Variants in RNF38 observed in about 807,000 individuals in gnomAD.
The protein encoded by RNF38 is E3 ubiquitin-protein ligase RNF38.
In RNF38, 15 loss-of-function variants were observed where a neutral mutation model predicts 67.2. The observed-to-expected ratio is 0.22, with a 90% confidence interval of 0.15 to 0.34. The LOEUF is 0.34. RNF38 is among the 10% of genes least tolerant of loss of function. The pLI is 1.00. For missense variants in RNF38, 524 were observed against 639.9 expected (o/e 0.82, Z 1.95); for synonymous variants, 220 against 218.8 (o/e 1.01, Z -0.05).
intron 2 of RNF38, among the ~76,000 whole-genome samples, chr9:36,377,386 T>A (rs1158173143): frequency 6.6e-6 from 1 of 152,194 alleles, no homozygotes; most frequent in Non-Finnish European, 1.5e-5. Context: ...TAAATAAGCA[T>A]ATAAATCAGA....
chr9:36,384,069 G>A (rs936893117), intron 2 of RNF38, among the ~76,000 whole-genome samples: 7 of 152,088 alleles, frequency 4.6e-5, no homozygotes, highest in African/African-American at 1.4e-4. Flanking sequence ...ATTTTTCACA[G>A]TTCCTAATTA....
intron 9 of RNF38, among the ~76,000 whole-genome samples, chr9:36,350,109 G>A (rs1270352843): frequency 1.3e-5 from 2 of 152,154 alleles, no homozygotes; most frequent in African/African-American, 4.8e-5. Flanking sequence ...GAGCCACTGC[G>A]CTCAGCCTCC....
chr9:36,459,749 G>A (rs954509148), intron 1 of RNF38, among the ~76,000 whole-genome samples: 6 of 151,852 alleles, frequency 4.0e-5, no homozygotes, highest in East Asian at 1.9e-4. Flanking sequence ...AGAGACTTGC[G>A]GATTTTAGGA....
At chr9:36,477,785 G>A (rs551331802) in intron 1 of RNF38, among the ~76,000 whole-genome samples, 37 of 142,166 alleles carry the variant, frequency 2.6e-4, no homozygotes, top group Non-Finnish European at 4.7e-4. Flanking sequence ...TCGCACCACC[G>A]CACTCCAGCC....
At chr9:36,434,197 C>T (rs1172695471) in intron 1 of RNF38, among the ~76,000 whole-genome samples, 1 of 145,260 alleles carries the variant, frequency 6.9e-6, no homozygotes, top group East Asian at 2.1e-4. Context: ...GATCGTGCCA[C>T]TGCACTCCAG....
intron 2 of RNF38, among the ~76,000 whole-genome samples, chr9:36,408,367 C>T (rs1838234906): frequency 1.3e-5 from 2 of 151,556 alleles, no homozygotes; most frequent in South Asian, 4.2e-4. Context: ...TGGAGTTGAC[C>T]CTGGAGGGGA....
At chr9:36,382,762 G>T (rs937636434) in intron 2 of RNF38, among the ~76,000 whole-genome samples, 2 of 152,166 alleles carry the variant, frequency 1.3e-5, no homozygotes, top group African/African-American at 4.8e-5. Context: ...TTTCTAATCA[G>T]TCAGGACTAC....
intron 1 of RNF38, among the ~76,000 whole-genome samples, chr9:36,457,484 C>G (rs901163085): frequency 1.3e-5 from 2 of 152,196 alleles, no homozygotes; most frequent in Non-Finnish European, 2.9e-5. Context: ...GCGATGGGCA[C>G]AGACATTAAT....
chr9:36,356,916 ATC>A lies in RNF38; in HGVS notation c.739-445_739-444del, dbSNP rs144547106. On this transcript the variant is annotated intron_variant, in intron 5 of 11. Transcript: ENST00000259605. ...ACAACTCTCAACTAATTGCCTTATA[ATC>A]TCTCAGTATTTTAGTTCCCAAATTT... is the stretch of plus-strand genomic sequence containing the variant. Among the ~76,000 whole-genome samples, 369 of 152,314 alleles carry A rather than the reference ATC, an allele frequency of 2.4e-3. 1 individual carries two copies. The highest frequency in any genetic ancestry group is 8.5e-3 in the African/African-American group (355 of 41,564).
In RNF38 at chr9:36,338,732, G is replaced by C. The variant is rs1464429666; in HGVS notation, c.*1020C>G. 1 of 151,760 alleles carries C rather than the reference G, an allele frequency of 6.6e-6. No homozygotes were observed. Among genetic ancestry groups the C allele is most frequent in the Non-Finnish European group, 1.5e-5 (1 of 67,818 alleles). The allele number at this position is 151,760 out of a possible 1,614,324, so 9.4% of individuals were successfully genotyped here. On this transcript the variant is annotated 3_prime_UTR_variant, in exon 12 of 12. Transcript: ENST00000259605. Reference sequence around the variant, plus strand: ...GAAATATATTAATCAAATATCTTCAGAATAGACTAGACTACAAATCTAAAC... The same window carrying C: ...GAAATATATTAATCAAATATCTTCACAATAGACTAGACTACAAATCTAAAC...
intron 2 of RNF38, among the ~76,000 whole-genome samples, chr9:36,378,491 A>T (rs1301214269): frequency 6.6e-6 from 1 of 152,116 alleles, no homozygotes; most frequent in Non-Finnish European, 1.5e-5. Context: ...CTGACTTTTT[A>T]AAAACAAAAT....
intron 1 of RNF38, among the ~76,000 whole-genome samples, chr9:36,453,684 T>C (rs755567491): frequency 6.6e-6 from 1 of 151,984 alleles, no homozygotes; most frequent in Non-Finnish European, 1.5e-5. Context: ...CGCCCGCCAC[T>C]GAGCTAAGTT....
intron 11 of RNF38, among the ~76,000 whole-genome samples, chr9:36,341,451 A>AT (rs908033404): frequency 2.2e-4 from 33 of 151,948 alleles, no homozygotes; most frequent in African/African-American, 6.8e-4. Context: ...ATTTGACTAT[A>AT]TTTTTTTTAT....
chr9:36,366,577 T>C (rs1013865669), intron 4 of RNF38, among the ~76,000 whole-genome samples: 2 of 152,260 alleles, frequency 1.3e-5, no homozygotes, highest in African/African-American at 4.8e-5. Flanking sequence ...TCTATCAGTA[T>C]AATCAGTTTG....
intron 9 of RNF38, among the ~76,000 whole-genome samples, chr9:36,350,378 A>G (rs1019231356): frequency 1.3e-5 from 2 of 152,238 alleles, no homozygotes; most frequent in African/African-American, 4.8e-5. Context: ...ATAAAGCACC[A>G]AAAACATTTA....
intron 1 of RNF38, among the ~76,000 whole-genome samples, chr9:36,437,550 A>C (rs1257994875): frequency 6.6e-6 from 1 of 151,742 alleles, no homozygotes; most frequent in Non-Finnish European, 1.5e-5. Context: ...AGAAGGAGCA[A>C]GGTTGAAAAA....
At chr9:36,374,980 A>G (rs559036234) in intron 3 of RNF38, among the ~76,000 whole-genome samples, 2 of 152,306 alleles carry the variant, frequency 1.3e-5, no homozygotes, top group Middle Eastern at 3.4e-3. Context: ...ACTCAAGATC[A>G]TTGATATTCC....
intron 1 of RNF38, among the ~76,000 whole-genome samples, chr9:36,476,358 C>T (rs941642638): frequency 4.6e-5 from 7 of 151,972 alleles, no homozygotes; most frequent in Non-Finnish European, 8.8e-5. Flanking sequence ...GTGATCCGCC[C>T]GCCTCAGCCT....
intron 1 of RNF38, among the ~76,000 whole-genome samples, chr9:36,479,790 A>T (rs985186394): frequency 3.9e-5 from 6 of 152,170 alleles, no homozygotes; most frequent in African/African-American, 1.2e-4. Context: ...CAAATGAAAA[A>T]TACTTTTTAT....
Sources: gnomAD v4.1 joint callset for allele counts (sites outside exome capture counted in the v4.1 genomes callset) on GRCh38, gnomAD v4.1.1 for gene constraint, MANE v1.5 for transcripts, NCBI Gene and HGNC (gene_info 2026-07-23, HGNC 2026-07-21) for gene names.